The following SLC35F3 variants were observed in gnomAD, a reference collection of about 807,000 sequenced individuals.
The protein encoded by SLC35F3 is solute carrier family 35 member F3, also known as putative thiamine transporter SLC35F3.
A neutral mutation model predicts 49.9 loss-of-function variants in SLC35F3; 25 were observed. The ratio of observed to expected loss-of-function variants is 0.50; its 90% CI spans 0.37 to 0.70. The LOEUF is 0.70. Ranked by LOEUF, SLC35F3 falls within the 30% of genes least tolerant of loss-of-function variation. The probability of loss-of-function intolerance (pLI) is 0.00; values close to 1 mark genes in which losing one functional copy is unlikely to be tolerated. For missense variants in SLC35F3, 525 were observed against 639.8 expected, an observed-to-expected ratio of 0.82 and a Z score of 1.94; for synonymous variants, 275 against 265.4, an observed-to-expected ratio of 1.04 and a Z score of -0.35.
chr1:233,977,008 G>C (rs1210780989), intron 2 of SLC35F3, among the ~76,000 whole-genome samples: 1 of 152,228 alleles, frequency 6.6e-6, no homozygotes, highest in African/African-American at 2.4e-5. Context: ...ACAGAAGCCA[G>C]CTCTGGGAGA....
At chr1:233,972,482 A>G (rs1052000106) in intron 2 of SLC35F3, among the ~76,000 whole-genome samples, 2 of 152,196 alleles carry the variant, frequency 1.3e-5, no homozygotes, top group East Asian at 1.9e-4. Flanking sequence ...TCCACCTTCT[A>G]TAGCAGTGTG....
At chr1:234,136,131 G>A (rs1002895257) in intron 2 of SLC35F3, among the ~76,000 whole-genome samples, 4 of 152,028 alleles carry the variant, frequency 2.6e-5, no homozygotes, top group African/African-American at 9.7e-5. Context: ...TGAAACCCAA[G>A]TACAGCTTAG....
At chr1:234,281,376 G>T (rs933118504) in intron 3 of SLC35F3, among the ~76,000 whole-genome samples, 1 of 152,162 alleles carries the variant, frequency 6.6e-6, no homozygotes, top group African/African-American at 2.4e-5. Context: ...GAACAAATAA[G>T]AATGTGTTAA....
intron 2 of SLC35F3, among the ~76,000 whole-genome samples, chr1:234,016,797 G>T (rs1041538367): frequency 1.3e-5 from 2 of 152,202 alleles, no homozygotes; most frequent in Non-Finnish European, 2.9e-5. Context: ...CTGCCAAGTA[G>T]TCTGTGGTAC....
At chr1:234,178,307 A>G (rs900316733) in intron 2 of SLC35F3, among the ~76,000 whole-genome samples, 3 of 152,062 alleles carry the variant, frequency 2.0e-5, no homozygotes, top group South Asian at 2.1e-4. Flanking sequence ...CATCCCTCCA[A>G]TGCTTTCAGT....
At chr1:234,291,410 G>A (rs1035981480) in intron 3 of SLC35F3, among the ~76,000 whole-genome samples, 4 of 152,186 alleles carry the variant, frequency 2.6e-5, no homozygotes, top group Non-Finnish European at 5.9e-5. Context: ...TCAGAGTAGA[G>A]CCAGAGGAGG....
At chr1:234,256,735 T>G (rs957484425) in intron 3 of SLC35F3, among the ~76,000 whole-genome samples, 1 of 152,272 alleles carries the variant, frequency 6.6e-6, no homozygotes, top group African/African-American at 2.4e-5. Flanking sequence ...CAAAGGAGCA[T>G]GAAGCTCAAT....
intron 2 of SLC35F3, among the ~76,000 whole-genome samples, chr1:234,133,785 G>A (rs1242632841): frequency 6.6e-6 from 1 of 152,158 alleles, no homozygotes; most frequent in Admixed American, 6.5e-5. Flanking sequence ...AAAACTAGCG[G>A]CTTAATTATC....
At chr1:234,314,156 T>A (rs898944364) in intron 4 of SLC35F3, among the ~76,000 whole-genome samples, 1 of 151,830 alleles carries the variant, frequency 6.6e-6, no homozygotes, top group African/African-American at 2.4e-5. Flanking sequence ...GAGATCAGAG[T>A]CCCCCGCCTG....
At chr1:234,128,630 C>T (rs916373383) in intron 2 of SLC35F3, among the ~76,000 whole-genome samples, 1 of 152,086 alleles carries the variant, frequency 6.6e-6, no homozygotes, top group Non-Finnish European at 1.5e-5. Flanking sequence ...AGTTTGAGAT[C>T]AAGTAAGAAA....
intron 2 of SLC35F3, among the ~76,000 whole-genome samples, chr1:234,065,434 A>G (rs12063650): frequency 9.9e-5 from 15 of 152,212 alleles, no homozygotes; most frequent in African/African-American, 3.6e-4. Flanking sequence ...GGCGTGAGCC[A>G]CCGCGCCAGG....
At chr1:234,061,695 C>T (rs1457102143) in intron 2 of SLC35F3, among the ~76,000 whole-genome samples, 2 of 152,002 alleles carry the variant, frequency 1.3e-5, no homozygotes, top group Non-Finnish European at 2.9e-5. Context: ...GTCAATCTAT[C>T]CCCAAGTCTG....
chr1:234,227,846 C>T (rs140645827), intron 2 of SLC35F3, among the ~76,000 whole-genome samples: 2 of 152,340 alleles, frequency 1.3e-5, no homozygotes, highest in East Asian at 3.9e-4. Context: ...ATAGCTTCCT[C>T]ATTGTAACTC....
chr1:234,069,658 G>A (rs1664683761), intron 2 of SLC35F3, among the ~76,000 whole-genome samples: 1 of 152,146 alleles, frequency 6.6e-6, no homozygotes, highest in Non-Finnish European at 1.5e-5. Flanking sequence ...TCACTCACAG[G>A]CTCATGGGAG....
chr1:234,108,710 A>T (rs1168742432), intron 2 of SLC35F3, among the ~76,000 whole-genome samples: 148 of 71,762 alleles, frequency 2.1e-3, no homozygotes, highest in African/African-American at 4.2e-3. Context: ...TATTATATAT[A>T]TAAAAGATAT....
intron 2 of SLC35F3, among the ~76,000 whole-genome samples, chr1:234,225,710 C>G (rs2102947544): frequency 6.6e-6 from 1 of 152,264 alleles, no homozygotes; most frequent in East Asian, 1.9e-4. Context: ...AATATATATC[C>G]ACACAAAGAC....
chr1:234,200,408 CCTATT>C (rs1418445344), intron 2 of SLC35F3, among the ~76,000 whole-genome samples: 7 of 152,032 alleles, frequency 4.6e-5, no homozygotes, highest in African/African-American at 1.4e-4. Flanking sequence ...AATATTTTCT[CCTATT>C]CTATGGGTTG....
intron 2 of SLC35F3, among the ~76,000 whole-genome samples, chr1:233,935,621 G>A (rs1478722706): frequency 6.6e-6 from 1 of 152,112 alleles, no homozygotes; most frequent in African/African-American, 2.4e-5. Context: ...CCTGTCCCCA[G>A]CAGCAACTAT....
At chr1:234,258,474 A>T (rs941299499) in intron 3 of SLC35F3, among the ~76,000 whole-genome samples, 2 of 152,254 alleles carry the variant, frequency 1.3e-5, no homozygotes, top group African/African-American at 4.8e-5. Context: ...GTAAACAATG[A>T]CTAGTTATCA....
Sources: gnomAD v4.1 joint callset for allele counts (sites outside exome capture counted in the v4.1 genomes callset) on GRCh38, gnomAD v4.1.1 for gene constraint, MANE v1.5 for transcripts, NCBI Gene and HGNC (gene_info 2026-07-23, HGNC 2026-07-21) for gene names.